ST8SIA5: variants seen among roughly 807,000 people sequenced by gnomAD.
ST8SIA5 encodes the protein ST8 alpha-N-acetyl-neuraminide alpha-2,8-sialyltransferase 5.
In ST8SIA5, 24 loss-of-function variants were observed where a neutral mutation model predicts 40.2. The ratio of observed to expected loss-of-function variants is 0.60; its 90% CI spans 0.43 to 0.84. The LOEUF (loss-of-function observed/expected upper bound fraction) is 0.84. Ranked by LOEUF, ST8SIA5 falls within the 40% of genes least tolerant of loss-of-function variation. The probability of loss-of-function intolerance (pLI) is 0.00; values close to 1 mark genes in which losing one functional copy is unlikely to be tolerated. For synonymous variants in ST8SIA5, 198 were observed against 201.8 expected (o/e 0.98, Z 0.16); for missense variants, 465 against 498.5 (o/e 0.93, Z 0.64).
chr18:46,735,802 A>T (rs2040028292), intron 1 of ST8SIA5, among the ~76,000 whole-genome samples: 1 of 151,854 alleles, frequency 6.6e-6, no homozygotes, highest in South Asian at 2.1e-4. Flanking sequence ...TCGTACAGAC[A>T]GGGTATCACT....
intron 1 of ST8SIA5, 104 bp from the exon 2 acceptor site, chr18:46,704,768 T>A: frequency 1.0e-6 from 1 of 966,168 alleles, no homozygotes. Flanking sequence ...GTGAAATAAA[T>A]AAAGCCAACC....
In ST8SIA5 at chr18:46,669,861, G is replaced by A. The variant is rs1406667187; in HGVS notation, c.*10181C>T. The A allele has an allele frequency of 6.6e-6, 1 of 152,186 alleles. No homozygotes were observed. The highest frequency in any genetic ancestry group is 1.5e-5 in the Non-Finnish European group (1 of 68,080). 9.4% of individuals were successfully genotyped at this position (152,186 alleles called of 1,614,324 possible). A position where few individuals can be genotyped will look rare whatever the true frequency, so the allele number is the denominator to read the frequency against. On this transcript the variant is annotated 3_prime_UTR_variant, in exon 7 of 7. Transcript: ENST00000315087. ...AGGAGGTGGGCGAATCACGAGGTCA[G>A]GAGTTCACAACCAGCCTGGCCAAAA...
chr18:46,741,971 G>A (rs576551277), intron 1 of ST8SIA5, among the ~76,000 whole-genome samples: 149 of 151,850 alleles, frequency 9.8e-4, no homozygotes, highest in African/African-American at 3.2e-3. Context: ...GCATGGTGGC[G>A]CATGCCTGTA....
At chr18:46,702,317 A>G (rs115896216) in intron 2 of ST8SIA5, among the ~76,000 whole-genome samples, 1,907 of 152,244 alleles carry the variant, frequency 0.013, 44 homozygotes, top group African/African-American at 0.043. Context: ...TCCAACAGCC[A>G]TTTTTGCCAC....
At chr18:46,701,557 AC>A (rs1380724609) in intron 2 of ST8SIA5, among the ~76,000 whole-genome samples, 2 of 152,298 alleles carry the variant, frequency 1.3e-5, no homozygotes, top group Non-Finnish European at 1.5e-5. Context: ...ACCCGGGGCA[AC>A]CATATAGGGA....
At chr18:46,700,062 T>A (rs1221586017) in intron 2 of ST8SIA5, among the ~76,000 whole-genome samples, 1 of 152,218 alleles carries the variant, frequency 6.6e-6, no homozygotes, top group African/African-American at 2.4e-5. Context: ...AGGCAGCAAC[T>A]GAAGATTCTT....
intron 1 of ST8SIA5, among the ~76,000 whole-genome samples, chr18:46,754,729 T>G (rs1284032961): frequency 6.6e-6 from 1 of 152,150 alleles, no homozygotes; most frequent in Non-Finnish European, 1.5e-5. Context: ...AGCAGGTAGT[T>G]TGGTTGGCGT....
chr18:46,695,358 G>C (rs541789252), intron 2 of ST8SIA5, among the ~76,000 whole-genome samples: 15 of 152,256 alleles, frequency 9.9e-5, no homozygotes, highest in Non-Finnish European at 1.8e-4. Context: ...TTTGGAACTA[G>C]TGGGACTTGG....
At position 46,668,754 on chromosome 18, in the gene ST8SIA5, G is replaced by T. The variant is rs1046529705; in HGVS notation, c.*11288C>A. On this transcript the variant is annotated 3_prime_UTR_variant, in exon 7 of 7. Coordinates refer to ENST00000315087, the MANE Select transcript of ST8SIA5 (RefSeq NM_013305.6). ...GGTCCCTAAATTGTATGTGCAGAGT[G>T]TGGGAGCCCCAGGGGGCACCAGCTG... 2.6e-5 allele frequency: 4 copies of T among 152,202 alleles called. No individual in the cohort carries two copies. Among genetic ancestry groups the T allele is most frequent in the Non-Finnish European group, 5.9e-5 (4 of 68,050 alleles). 9.4% of individuals were successfully genotyped at this position (152,202 alleles called of 1,614,324 possible). A position where few individuals can be genotyped will look rare whatever the true frequency, so the allele number is the denominator to read the frequency against.
In ST8SIA5 at chr18:46,719,682, T is replaced by TTTTCTTTCTTTC. The variant is rs56825204; in HGVS notation, c.132-15030_132-15019dup. Among the ~76,000 whole-genome samples the TTTTCTTTCTTTC allele has an allele frequency of 9.9e-3, 1,061 of 107,148 alleles. 28 individuals carry two copies. Among genetic ancestry groups the TTTTCTTTCTTTC allele is most frequent in the African/African-American group, 0.017 (486 of 29,286 alleles). 70.3% of individuals were successfully genotyped at this position (107,148 alleles called of 152,430 possible). A position where few individuals can be genotyped will look rare whatever the true frequency, so the allele number is the denominator to read the frequency against. ...TTTCTATCTTTCTCTTTCTTTTCTT[T>TTTTCTTTCTTTC]TTTCTTTCTTTCTTTCTTTCTTTCT... On this transcript the variant is annotated intron_variant, in intron 1 of 6. Transcript: ENST00000315087.
At chr18:46,719,225 C>T (rs1442340208) in intron 1 of ST8SIA5, among the ~76,000 whole-genome samples, 1 of 152,162 alleles carries the variant, frequency 6.6e-6, no homozygotes, top group African/African-American at 2.4e-5. Flanking sequence ...TCAAAGGCAC[C>T]TGAATTCCAA....
intron 1 of ST8SIA5, among the ~76,000 whole-genome samples, chr18:46,725,926 G>GCCTGACCAA (rs2039913510): frequency 7.9e-6 from 1 of 126,092 alleles, no homozygotes; most frequent in African/African-American, 3.1e-5. Flanking sequence ...TTTGAGACCA[G>GCCTGACCAA]CCTGACCAAC....
At chr18:46,719,704 T>TTCTTTCTTTCTTTCTTTCTTTCTTTCTC (rs760988683) in intron 1 of ST8SIA5, among the ~76,000 whole-genome samples, 2,022 of 143,844 alleles carry the variant, frequency 0.014, 43 homozygotes, top group African/African-American at 0.015. Flanking sequence ...CTTTCTTTCT[T>TTCTTTCTTTCTTTCTTTCTTTCTTTCTC]TCTCTCTTTC....
Position 46,678,604 on chromosome 18 carries a change from C to T in ST8SIA5, c.*1438G>A, listed in dbSNP as rs1400557627. On this transcript the variant is annotated 3_prime_UTR_variant, in exon 7 of 7. Coordinates refer to ENST00000315087, the MANE Select transcript of ST8SIA5 (RefSeq NM_013305.6). ...CCTTATGTCTTCCTAAGTCCAACCA[C>T]AGACCAAAGCAGAATAGGCTTTCCA... The T allele has an allele frequency of 1.3e-5, 2 of 152,170 alleles. No homozygotes were observed. The highest frequency in any genetic ancestry group is 2.9e-5 in the Non-Finnish European group (2 of 68,052). The allele number at this position is 152,170 out of a possible 1,614,324, so 9.4% of individuals were successfully genotyped here.
intron 1 of ST8SIA5, among the ~76,000 whole-genome samples, chr18:46,749,187 C>T (rs990993995): frequency 2.0e-5 from 3 of 152,060 alleles, no homozygotes; most frequent in Admixed American, 6.6e-5. Flanking sequence ...CAGGTTAGTG[C>T]GTTTGCTCAT....
chr18:46,692,071 A>T (rs533027), intron 3 of ST8SIA5, 98 bp downstream of exon 3: 1 of 1,297,154 alleles, frequency 7.7e-7, no homozygotes. Context: ...GGGAAGATGC[A>T]CGCTGAGAGC....
rs1203489170 is a variant in ST8SIA5 at position 46,748,241 on chromosome 18, T to TA, written c.131+8136_131+8137insT. Among the ~76,000 whole-genome samples the TA allele has an allele frequency of 2.1e-3, 314 of 149,496 alleles. 3 individuals carry two copies. Among genetic ancestry groups the TA allele is most frequent in the Admixed American group, 3.4e-3 (52 of 15,110 alleles). Reference sequence around the variant, plus strand: ...TATAATTCATAAATAAATAAATTAATTAATTTAAAAAAATAGGCAAAGGGG... The same window carrying TA: ...TATAATTCATAAATAAATAAATTAATATAATTTAAAAAAATAGGCAAAGGGG... On this transcript the variant is annotated intron_variant, in intron 1 of 6. Coordinates refer to ENST00000315087, the MANE Select transcript of ST8SIA5 (RefSeq NM_013305.6).
chr18:46,732,157 G>T (rs760864992), intron 1 of ST8SIA5, among the ~76,000 whole-genome samples: 3 of 152,206 alleles, frequency 2.0e-5, no homozygotes, highest in Non-Finnish European at 4.4e-5. Context: ...AATACGACAC[G>T]CTGTAGGCTG....
At chr18:46,719,769 CTT>C (rs1214232439) in intron 1 of ST8SIA5, among the ~76,000 whole-genome samples, 4 of 125,824 alleles carry the variant, frequency 3.2e-5, no homozygotes, top group Non-Finnish European at 6.7e-5. Flanking sequence ...TTCTTTCTCT[CTT>C]CTTTCCTTTT....
Sources: allele counts gnomAD v4.1 joint callset (sites outside exome capture counted in the v4.1 genomes callset), GRCh38; gene constraint gnomAD v4.1.1; transcripts MANE v1.5; gene names NCBI Gene and HGNC (gene_info 2026-07-23, HGNC 2026-07-21).